Variants in ABCA13 observed in about 807,000 individuals in gnomAD.
ABCA13 encodes ATP binding cassette subfamily A member 13.
In ABCA13, 476 loss-of-function variants were observed where a neutral mutation model predicts 478.7. That is an observed-to-expected ratio of 0.99 (90% confidence interval 0.92 to 1.07). The LOEUF is 1.07. ABCA13 is among the 50% of genes least tolerant of loss of function. The pLI, the probability that ABCA13 is intolerant of heterozygous loss-of-function variation, is 0.00. For synonymous variants in ABCA13, 2,252 were observed against 2,158.9 expected, an observed-to-expected ratio of 1.04 and a Z score of -1.20; for missense variants, 6,060 against 5,910.6, an observed-to-expected ratio of 1.03 and a Z score of -0.83.
At chr7:48,331,013 G>A (rs566884506) in intron 27 of ABCA13, among the ~76,000 whole-genome samples, 1 of 152,154 alleles carries the variant, frequency 6.6e-6, no homozygotes, top group African/African-American at 2.4e-5. Context: ...AAATTCCTCT[G>A]CCCCATTCCC....
intron 55 of ABCA13, among the ~76,000 whole-genome samples, chr7:48,548,400 A>G (rs559875369): frequency 6.6e-6 from 1 of 152,024 alleles, no homozygotes; most frequent in East Asian, 1.9e-4. Context: ...TTTCTCAGAC[A>G]TTTAAATATA....
chr7:48,284,136 G>T (rs1335074208), intron 19 of ABCA13, among the ~76,000 whole-genome samples: 1 of 152,194 alleles, frequency 6.6e-6, no homozygotes, highest in Non-Finnish European at 1.5e-5. Flanking sequence ...TTTAGGGACT[G>T]TCTATCACAG....
chr7:48,500,920 C>T (rs373440529), intron 48 of ABCA13, among the ~76,000 whole-genome samples: 3 of 152,292 alleles, frequency 2.0e-5, no homozygotes, highest in East Asian at 3.9e-4. Flanking sequence ...GTACCCTCAC[C>T]ATGGTGTGTC....
Position 48,227,323 on chromosome 7 carries a change from A to G in ABCA13, c.530A>G (p.His177Arg). 6.2e-7 allele frequency: 1 copy of G among 1,613,074 alleles called. No individual in the cohort carries two copies. The highest frequency in any genetic ancestry group is 8.5e-7 in the Non-Finnish European group (1 of 1,179,586). Residue 177 changes from histidine (H) to arginine (R), a missense_variant, in exon 6 of 62, where the codon CAT becomes CGT. Physicochemically the swap from His to Arg is conservative, Grantham distance 29. Coordinates refer to ENST00000435803, the MANE Select transcript of ABCA13 (RefSeq NM_152701.5). ...LKLESLHQQP[H>R]IWDFLLLLPR... ...CTGGAAAGCCTCCATCAGCAGCCTC[A>G]TATCTGGGATTTTCTACTTTTACTG...
intron 15 of ABCA13, among the ~76,000 whole-genome samples, chr7:48,254,605 AT>A (rs1425472070): frequency 6.6e-6 from 1 of 151,400 alleles, no homozygotes; most frequent in African/African-American, 2.4e-5. Flanking sequence ...ACTCTGCATG[AT>A]TTTTTTTTCC....
chr7:48,181,668 G>A (rs1795718147), intron 1 of ABCA13, among the ~76,000 whole-genome samples: 2 of 151,506 alleles, frequency 1.3e-5, no homozygotes, highest in Non-Finnish European at 2.9e-5. Flanking sequence ...ATGCAGTAGG[G>A]CCTCTTTTTG....
At chr7:48,256,299 A>G (rs1197636598) in intron 15 of ABCA13, among the ~76,000 whole-genome samples, 1 of 151,924 alleles carries the variant, frequency 6.6e-6, no homozygotes, top group Admixed American at 6.6e-5. Context: ...TCTTTAGTTT[A>G]CTTGGGTCCT....
chr7:48,226,935 T>G (rs1178360172), intron 5 of ABCA13, among the ~76,000 whole-genome samples: 2 of 152,214 alleles, frequency 1.3e-5, no homozygotes, highest in Non-Finnish European at 2.9e-5. Flanking sequence ...CCAGGATCTA[T>G]GTCACAGACT....
intron 10 of ABCA13, among the ~76,000 whole-genome samples, chr7:48,241,572 C>CA (rs1790838416): frequency 6.6e-6 from 1 of 152,164 alleles, no homozygotes; most frequent in Non-Finnish European, 1.5e-5. Context: ...ATTGATTCAC[C>CA]AAAATAGCCG....
At chr7:48,613,067 C>T (rs943429258) in intron 58 of ABCA13, among the ~76,000 whole-genome samples, 1 of 151,952 alleles carries the variant, frequency 6.6e-6, no homozygotes, top group African/African-American at 2.4e-5. Context: ...TTTGAATGGT[C>T]TCTACATGTT....
chr7:48,182,003 C>T lies in ABCA13; in HGVS notation c.69+10451C>T, dbSNP rs137977147. On this transcript the variant is annotated intron_variant, in intron 1 of 61. Coordinates refer to ENST00000435803, the MANE Select transcript of ABCA13 (RefSeq NM_152701.5). ...GTCATCTTGGCCAACTCCAGGGTCCCTGTGTATGGAGCACTTGATGTCCTG... is the reference window on the plus strand; with the variant it reads ...GTCATCTTGGCCAACTCCAGGGTCCTTGTGTATGGAGCACTTGATGTCCTG... Among the ~76,000 whole-genome samples, 643 of 152,242 alleles carry T rather than the reference C, an allele frequency of 4.2e-3. 1 individual carries two copies. The highest frequency in any genetic ancestry group is 0.02 in the Middle Eastern group (6 of 294).
intron 7 of ABCA13, among the ~76,000 whole-genome samples, chr7:48,231,530 T>C (rs1789075221): frequency 6.6e-6 from 1 of 152,134 alleles, no homozygotes; most frequent in Non-Finnish European, 1.5e-5. Flanking sequence ...GAATTAGATC[T>C]GCATTATAGA....
At chr7:48,184,845 C>T (rs1299772147) in intron 1 of ABCA13, among the ~76,000 whole-genome samples, 2 of 152,186 alleles carry the variant, frequency 1.3e-5, no homozygotes, top group East Asian at 3.9e-4. Context: ...GTTTCTTTCA[C>T]TTTTTATTGA....
chr7:48,286,458 A>G (rs777091854), intron 19 of ABCA13, among the ~76,000 whole-genome samples: 12 of 151,496 alleles, frequency 7.9e-5, no homozygotes, highest in Non-Finnish European at 1.6e-4. Flanking sequence ...GGCTTCTTTC[A>G]CTTAGTAATA....
intron 55 of ABCA13, among the ~76,000 whole-genome samples, chr7:48,571,013 A>C (rs1392438602): frequency 1.3e-5 from 2 of 152,156 alleles, no homozygotes; most frequent in African/African-American, 4.8e-5. Flanking sequence ...TGCAACTAAC[A>C]TCTTGAGTTA....
intron 36 of ABCA13, among the ~76,000 whole-genome samples, chr7:48,388,439 C>G (rs1440648682): frequency 6.6e-6 from 1 of 152,180 alleles, no homozygotes; most frequent in East Asian, 1.9e-4. Flanking sequence ...GAGATAGGGG[C>G]AGGACTGTCC....
chr7:48,276,187 ATATATC>A lies in ABCA13; in HGVS notation c.6524_6529del (p.Ile2175_Ser2176del), dbSNP rs1174652573. On this transcript the variant is annotated inframe_deletion, in exon 17 of 62. Coordinates refer to ENST00000435803, the MANE Select transcript of ABCA13 (RefSeq NM_152701.5). ...GCTACTTTTTGGGGCTCTTTAAAAA[ATATATC>A]TAGAGCAGGCAATTTTGATGTTGCC... 4 of 1,589,078 alleles carry A rather than the reference ATATATC, an allele frequency of 2.5e-6. No homozygotes were observed. The highest frequency in any genetic ancestry group is 3.4e-6 in the Non-Finnish European group (4 of 1,167,712).
intron 1 of ABCA13, among the ~76,000 whole-genome samples, chr7:48,188,710 AT>A (rs1796685675): frequency 6.6e-6 from 1 of 151,828 alleles, no homozygotes; most frequent in Non-Finnish European, 1.5e-5. Context: ...TCAATGTATC[AT>A]TTTACCCAGG....
intron 40 of ABCA13, among the ~76,000 whole-genome samples, chr7:48,412,001 T>C (rs536888255): frequency 1.3e-5 from 2 of 152,310 alleles, no homozygotes; most frequent in South Asian, 4.1e-4. Flanking sequence ...AGTTTTCTGC[T>C]GTTCAATGCT....
Sources: gnomAD v4.1 joint callset for allele counts (sites outside exome capture counted in the v4.1 genomes callset) on GRCh38, gnomAD v4.1.1 for gene constraint, MANE v1.5 for transcripts, NCBI Gene and HGNC (gene_info 2026-07-23, HGNC 2026-07-21) for gene names.